Variants in GRIK4 observed in about 807,000 individuals in gnomAD.
GRIK4 encodes glutamate receptor ionotropic, kainate 4.
A neutral mutation model predicts 104.9 loss-of-function variants in GRIK4; 40 were observed. The observed-to-expected ratio is 0.38, with a 90% confidence interval of 0.30 to 0.50. The LOEUF is 0.50. Ranked by LOEUF, GRIK4 falls within the 20% of genes least tolerant of loss-of-function variation. The pLI is 0.93. For missense variants in GRIK4, 1,047 were observed against 1,308.1 expected (o/e 0.80, Z 3.08); for synonymous variants, 485 against 524.9 (o/e 0.92, Z 1.04).
intron 4 of GRIK4, among the ~76,000 whole-genome samples, chr11:120,808,572 C>T (rs969943294): frequency 2.6e-5 from 4 of 152,130 alleles, no homozygotes; most frequent in African/African-American, 4.8e-5. Context: ...CGTCATGGGG[C>T]GTGGCACTCA....
intron 8 of GRIK4, among the ~76,000 whole-genome samples, chr11:120,850,746 T>A (rs1953953703): frequency 1.3e-5 from 2 of 150,416 alleles, no homozygotes. Context: ...ATTTAATGAA[T>A]GTTTGGAAAG....
chr11:120,823,430 A>G (rs923180082), intron 6 of GRIK4, among the ~76,000 whole-genome samples: 2 of 152,146 alleles, frequency 1.3e-5, no homozygotes, highest in East Asian at 3.9e-4. Context: ...AAGCACTTTC[A>G]CTTAACATTT....
At chr11:120,863,557 G>A (rs954675512) in intron 9 of GRIK4, among the ~76,000 whole-genome samples, 7 of 152,182 alleles carry the variant, frequency 4.6e-5, no homozygotes, top group South Asian at 4.1e-4. Flanking sequence ...TGAGTCAGGC[G>A]GAATGATGAG....
intron 13 of GRIK4, among the ~76,000 whole-genome samples, chr11:120,920,510 A>G (rs1943204612): frequency 6.6e-6 from 1 of 152,160 alleles, no homozygotes; most frequent in Non-Finnish European, 1.5e-5. Context: ...CAGCAGCGTC[A>G]TTCATCAACA....
chr11:120,776,660 G>A (rs1952049091), intron 3 of GRIK4, among the ~76,000 whole-genome samples: 1 of 152,172 alleles, frequency 6.6e-6, no homozygotes, highest in Non-Finnish European at 1.5e-5. Context: ...GAGTGTTTCT[G>A]GCGCAGGGTC....
rs1377498994 is a variant in GRIK4, at chr11:120,849,386, A to T, written c.744+12542A>T. On this transcript the variant is annotated intron_variant, in intron 8 of 20. Coordinates refer to ENST00000527524, the MANE Select transcript of GRIK4 (RefSeq NM_014619.5). ...GGAAGCTGCCTTGACCCTCTATCAC[A>T]AAGTTGTTAAAGATTCAGAAGTTGC... Among the ~76,000 whole-genome samples, 4 of 152,222 alleles carry T rather than the reference A, an allele frequency of 2.6e-5. No homozygotes were observed. The East Asian group carries it at 7.7e-4, about 29-fold the overall frequency.
chr11:120,610,600 G>A (rs1412257084), intron 1 of GRIK4, among the ~76,000 whole-genome samples: 1 of 152,190 alleles, frequency 6.6e-6, no homozygotes, highest in Non-Finnish European at 1.5e-5. Context: ...GTCTGTGAGA[G>A]ACCAGATGGT....
rs113309893 is a variant in GRIK4 at position 120,902,284 on chromosome 11, G to A, written c.1273-3006G>A. Among the ~76,000 whole-genome samples, 2,025 of 152,112 alleles carry A rather than the reference G, an allele frequency of 0.013. 38 individuals are homozygous for A. The highest frequency in any genetic ancestry group is 0.045 in the African/African-American group (1,847 of 41,468). ...GCGGTTTGCCACATTCTCACCTCGC[G>A]TTCACAGCACCCCTGCTCCAGGCTA... On this transcript the variant is annotated intron_variant, in intron 12 of 20. Transcript: ENST00000527524. The surrounding 1 kb of genome is among the most constrained non-coding windows in gnomAD (Gnocchi z 4.5).
chr11:120,755,264 G>A (rs1456519933), intron 3 of GRIK4, among the ~76,000 whole-genome samples: 6 of 152,086 alleles, frequency 3.9e-5, no homozygotes, highest in East Asian at 3.9e-4. Context: ...GGGCCTGAGC[G>A]CTAATGGCAG....
intron 3 of GRIK4, among the ~76,000 whole-genome samples, chr11:120,671,272 C>T (rs1334904870): frequency 1.3e-5 from 2 of 152,154 alleles, no homozygotes; most frequent in African/African-American, 2.4e-5. Context: ...CTTGAGGAAT[C>T]GCCACACTGT....
intron 9 of GRIK4, chr11:120,873,295 C>T (rs531158030): frequency 1.4e-4 from 21 of 152,732 alleles, no homozygotes; most frequent in African/African-American, 4.8e-4. Context: ...GCCTTTCCCT[C>T]TTCTCAGCGA....
intron 13 of GRIK4, among the ~76,000 whole-genome samples, chr11:120,938,651 G>C (rs973644544): frequency 1.3e-5 from 2 of 152,204 alleles, no homozygotes; most frequent in Non-Finnish European, 2.9e-5. Context: ...TAGTCATTCA[G>C]AACTGATTAG....
rs954583276 is a variant in GRIK4, at chr11:120,549,028, C to G, written c.-159+37141C>G. 6.6e-6 allele frequency among the ~76,000 whole-genome samples: 1 copy of G among 152,180 alleles called. No homozygotes were observed. Among genetic ancestry groups the G allele is most frequent in the South Asian group, 2.1e-4 (1 of 4,830 alleles). ...AGCACCTCGTGCATGACCAGGTTTC[C>G]CCTCTTCCTGGCTTTGTCATCCCAG... is the stretch of plus-strand genomic sequence containing the variant. On this transcript the variant is annotated intron_variant, in intron 1 of 20. Transcript: ENST00000527524. The surrounding 1 kb of genome is among the most constrained non-coding windows in gnomAD (Gnocchi z 4.7).
At chr11:120,572,242 C>T (rs1198387308) in intron 1 of GRIK4, among the ~76,000 whole-genome samples, 1 of 152,206 alleles carries the variant, frequency 6.6e-6, no homozygotes, top group African/African-American at 2.4e-5. Flanking sequence ...CCAAAGCCTC[C>T]ATCCCTTAAT....
intron 1 of GRIK4, among the ~76,000 whole-genome samples, chr11:120,636,591 C>T (rs981422662): frequency 1.1e-4 from 17 of 152,276 alleles, no homozygotes; most frequent in Admixed American, 1.1e-3. Context: ...CCTGTAATCC[C>T]AGCACTTTGG....
At chr11:120,763,659 G>T (rs1336714607) in intron 3 of GRIK4, among the ~76,000 whole-genome samples, 1 of 152,108 alleles carries the variant, frequency 6.6e-6, no homozygotes, top group African/African-American at 2.4e-5. Flanking sequence ...GTTCTCATTG[G>T]TTTCAAAGAA....
intron 13 of GRIK4, among the ~76,000 whole-genome samples, chr11:120,914,142 G>A (rs1943057371): frequency 6.6e-6 from 1 of 152,052 alleles, no homozygotes; most frequent in African/African-American, 2.4e-5. Flanking sequence ...ATTCATCAAA[G>A]TGCGTGCTGT....
At chr11:120,587,563 TC>T (rs1351742818) in intron 1 of GRIK4, among the ~76,000 whole-genome samples, 2 of 152,326 alleles carry the variant, frequency 1.3e-5, no homozygotes, top group East Asian at 3.9e-4. Flanking sequence ...TCATGATGTC[TC>T]CAGAATGGAG....
At chr11:120,716,899 A>G (rs1243596387) in intron 3 of GRIK4, among the ~76,000 whole-genome samples, 1 of 152,200 alleles carries the variant, frequency 6.6e-6, no homozygotes, top group Non-Finnish European at 1.5e-5. Flanking sequence ...TCCATTTATC[A>G]GCTCAGGGCC....
Sources: gnomAD v4.1 joint callset for allele counts (sites outside exome capture counted in the v4.1 genomes callset) on GRCh38, gnomAD v4.1.1 for gene constraint, Gnocchi (gnomAD v3.1) non-coding constraint, MANE v1.5 for transcripts, NCBI Gene and HGNC (gene_info 2026-07-23, HGNC 2026-07-21) for gene names.